ST6GALNAC3: variants seen among roughly 807,000 people sequenced by gnomAD.
ST6GALNAC3 encodes ST6 N-acetylgalactosaminide alpha-2,6-sialyltransferase 3.
Under a neutral mutation model 32.7 loss-of-function variants are expected in ST6GALNAC3, and 25 were observed. The observed-to-expected ratio is 0.76, with a 90% CI of 0.56 to 1.07. The LOEUF is 1.07. Among genes scored for constraint, ST6GALNAC3 ranks in the 50% least tolerant of loss-of-function variants. The pLI, the probability that ST6GALNAC3 is intolerant of heterozygous loss-of-function variation, is 0.00. For missense variants in ST6GALNAC3, 355 were observed against 382.4 expected, an observed-to-expected ratio of 0.93 and a Z score of 0.60; for synonymous variants, 129 against 133.1, an observed-to-expected ratio of 0.97 and a Z score of 0.21.
chr1:76,391,065 G>A (rs112079781), intron 2 of ST6GALNAC3, among the ~76,000 whole-genome samples: 3 of 150,296 alleles, frequency 2.0e-5, no homozygotes, highest in Admixed American at 6.6e-5. Context: ...TCAGCCTCCC[G>A]AGTAGCTGGG....
intron 1 of ST6GALNAC3, among the ~76,000 whole-genome samples, chr1:76,241,762 G>C (rs1014968800): frequency 5.9e-5 from 9 of 152,144 alleles, no homozygotes; most frequent in African/African-American, 2.2e-4. Flanking sequence ...ATTACATGTT[G>C]AAATGATAAT....
chr1:76,198,033 G>A (rs1654305367), intron 1 of ST6GALNAC3, among the ~76,000 whole-genome samples: 1 of 105,552 alleles, frequency 9.5e-6, no homozygotes, highest in African/African-American at 2.7e-5. Context: ...TTTTGTTGTT[G>A]CTGTTATTTG....
intron 2 of ST6GALNAC3, among the ~76,000 whole-genome samples, chr1:76,388,152 T>G (rs1652244177): frequency 6.6e-6 from 1 of 152,160 alleles, no homozygotes; most frequent in Non-Finnish European, 1.5e-5. Flanking sequence ...TACCCAGATG[T>G]GGGCAGATAA....
chr1:76,159,103 ACAGAGGATG>A (rs1488786136), intron 1 of ST6GALNAC3, among the ~76,000 whole-genome samples: 9 of 152,130 alleles, frequency 5.9e-5, no homozygotes, highest in Non-Finnish European at 1.2e-4. Context: ...TTTCCTGGGG[ACAGAGGATG>A]GAGGTGAAGG....
chr1:76,507,379 A>AT (rs766217858), intron 3 of ST6GALNAC3, among the ~76,000 whole-genome samples: 7 of 152,170 alleles, frequency 4.6e-5, no homozygotes, highest in Non-Finnish European at 1.0e-4. Flanking sequence ...CTCACAATCA[A>AT]TTTTAGGACA....
chr1:76,565,710 A>G (rs1665515111), intron 3 of ST6GALNAC3, among the ~76,000 whole-genome samples: 1 of 152,120 alleles, frequency 6.6e-6, no homozygotes, highest in South Asian at 2.1e-4. Context: ...GTTGTTCAAA[A>G]CTATTGTCTT....
In ST6GALNAC3 at chr1:76,143,254, G is replaced by T. The variant is rs533770899; in HGVS notation, c.18+68370G>T. ...TTGTCTTCTGTCTTTAAAGGAAAGA[G>T]AATTTTTACAGTGCCTATAGAGCAT... On this transcript the variant is annotated intron_variant, in intron 1 of 4. Coordinates refer to ENST00000328299, the MANE Select transcript of ST6GALNAC3 (RefSeq NM_152996.4). Among the ~76,000 whole-genome samples, 6 of 152,250 alleles carry T rather than the reference G, an allele frequency of 3.9e-5. No individual in the cohort carries two copies. In the South Asian group the frequency reaches 1.0e-3, roughly 26 times the overall value.
At chr1:76,244,310 C>G (rs924538792) in intron 1 of ST6GALNAC3, among the ~76,000 whole-genome samples, 3 of 151,996 alleles carry the variant, frequency 2.0e-5, no homozygotes, top group African/African-American at 7.2e-5. Flanking sequence ...ATCCTGAGAC[C>G]TTGCTGAAGT....
At chr1:76,123,896 C>T (rs867780765) in intron 1 of ST6GALNAC3, among the ~76,000 whole-genome samples, 2 of 151,380 alleles carry the variant, frequency 1.3e-5, no homozygotes, top group African/African-American at 4.9e-5. Flanking sequence ...ATTACAAGCA[C>T]ATACCATGAC....
In ST6GALNAC3 at chr1:76,538,688, A is replaced by T. The variant is rs553934815; in HGVS notation, c.624-88764A>T. Among the ~76,000 whole-genome samples, 3 of 152,320 alleles carry T rather than the reference A, an allele frequency of 2.0e-5. No individual in the cohort carries two copies. The South Asian group carries it at 6.2e-4, about 32-fold the overall frequency. ...TCAGCAGTCTGAGGATACAGAATCA[A>T]TGTGCAAAAATCACATGCATTCCTT... On this transcript the variant is annotated intron_variant, in intron 3 of 4. Coordinates refer to ENST00000328299, the MANE Select transcript of ST6GALNAC3 (RefSeq NM_152996.4).
intron 3 of ST6GALNAC3, among the ~76,000 whole-genome samples, chr1:76,457,659 G>T (rs1297027387): frequency 6.6e-6 from 1 of 152,076 alleles, no homozygotes; most frequent in African/African-American, 2.4e-5. Context: ...AATAAATGGT[G>T]CTTGGAAAAC....
At chr1:76,558,409 A>T (rs1047153137) in intron 3 of ST6GALNAC3, among the ~76,000 whole-genome samples, 7 of 152,216 alleles carry the variant, frequency 4.6e-5, no homozygotes, top group African/African-American at 1.4e-4. Flanking sequence ...CTAAGCAGCC[A>T]TAAAAAATAA....
At chr1:76,168,770 A>T (rs1034141567) in intron 1 of ST6GALNAC3, among the ~76,000 whole-genome samples, 1 of 152,056 alleles carries the variant, frequency 6.6e-6, no homozygotes, top group Admixed American at 6.5e-5. Flanking sequence ...GTTTTGTCTG[A>T]AACTGAGATT....
intron 3 of ST6GALNAC3, among the ~76,000 whole-genome samples, chr1:76,593,058 G>A (rs553952521): frequency 3.3e-5 from 5 of 152,060 alleles, no homozygotes; most frequent in Middle Eastern, 3.4e-3. Flanking sequence ...CTGAAAACAT[G>A]ATTTTTTCTA....
chr1:76,163,629 G>C (rs1163318560), intron 1 of ST6GALNAC3, among the ~76,000 whole-genome samples: 4 of 152,102 alleles, frequency 2.6e-5, no homozygotes, highest in Non-Finnish European at 5.9e-5. Context: ...GCATGTTATA[G>C]TTTAATTGGC....
intron 3 of ST6GALNAC3, among the ~76,000 whole-genome samples, chr1:76,507,449 A>G (rs919685890): frequency 2.0e-5 from 3 of 152,132 alleles, no homozygotes; most frequent in Non-Finnish European, 2.9e-5. Flanking sequence ...AGGCCCCCCA[A>G]CACTTGCTGG....
chr1:76,196,076 G>T (rs552517951), intron 1 of ST6GALNAC3, among the ~76,000 whole-genome samples: 1 of 152,300 alleles, frequency 6.6e-6, no homozygotes, highest in South Asian at 2.1e-4. Context: ...GAATATAAGA[G>T]TATTATTATT....
chr1:76,613,786 C>T (rs1377049433), intron 3 of ST6GALNAC3, among the ~76,000 whole-genome samples: 1 of 152,200 alleles, frequency 6.6e-6, no homozygotes, highest in African/African-American at 2.4e-5. Flanking sequence ...TTCCTGAGGC[C>T]TCTCCAGCAA....
At chr1:76,337,293 T>C (rs1407667133) in intron 2 of ST6GALNAC3, among the ~76,000 whole-genome samples, 2 of 151,994 alleles carry the variant, frequency 1.3e-5, no homozygotes, top group Non-Finnish European at 2.9e-5. Flanking sequence ...GACTCTAGAG[T>C]CTAGAGCCTG....
Sources: gnomAD v4.1 joint callset for allele counts (sites outside exome capture counted in the v4.1 genomes callset) on GRCh38, gnomAD v4.1.1 for gene constraint, MANE v1.5 for transcripts, NCBI Gene and HGNC (gene_info 2026-07-23, HGNC 2026-07-21) for gene names.